FRY: variants seen among roughly 807,000 people sequenced by gnomAD.
FRY encodes protein furry homolog.
A neutral mutation model predicts 348.4 loss-of-function variants in FRY; 128 were observed. The ratio of observed to expected loss-of-function variants is 0.37; its 90% CI spans 0.32 to 0.43. FRY has a LOEUF of 0.43. Among genes scored for constraint, FRY ranks in the 20% least tolerant of loss-of-function variants. The pLI is 1.00. For synonymous variants in FRY, 1,370 were observed against 1,374.7 expected (o/e 1.00, Z 0.08); for missense variants, 2,736 against 3,695.2 (o/e 0.74, Z 6.73).
intron 16 of FRY, 27 bp from the exon 17 acceptor site, chr13:32,161,116 AT>A: frequency 7.3e-7 from 1 of 1,376,528 alleles, no homozygotes; most frequent in South Asian, 1.2e-5. Context: ...TTTTTGACCT[AT>A]TTTAAAATTT....
chr13:32,063,479 C>T (rs1031849029), intron 1 of FRY, among the ~76,000 whole-genome samples: 5 of 152,210 alleles, frequency 3.3e-5, no homozygotes, highest in Admixed American at 2.0e-4. Context: ...CCACACTTTG[C>T]ATTGTGACCC....
intron 58 of FRY, among the ~76,000 whole-genome samples, chr13:32,288,464 T>C (rs1593855655): frequency 6.6e-6 from 1 of 152,198 alleles, no homozygotes; most frequent in Admixed American, 6.5e-5. Context: ...AAGGAAACCA[T>C]TCAGCATAGT....
chr13:32,291,977 G>A, intron 59 of FRY: 1 of 451,728 alleles, frequency 2.2e-6, no homozygotes, highest in Non-Finnish European at 4.4e-6. Flanking sequence ...TTTTTTTGTT[G>A]TTGTTGTTTG....
At chr13:32,226,055 G>C (rs1002747800) in intron 39 of FRY, 81 bp downstream of exon 39, 2 of 1,220,232 alleles carry the variant, frequency 1.6e-6, no homozygotes, top group African/African-American at 3.0e-5. Context: ...TGGAGCCCAA[G>C]TTAACTTCTC....
intron 23 of FRY, among the ~76,000 whole-genome samples, chr13:32,181,125 C>T (rs1308031720): frequency 6.6e-6 from 1 of 151,500 alleles, no homozygotes; most frequent in African/African-American, 2.4e-5. Flanking sequence ...CTCCTGACCT[C>T]GTGATCTGCC....
chr13:32,143,346 C>G (rs1324941757), intron 11 of FRY, among the ~76,000 whole-genome samples: 1 of 152,196 alleles, frequency 6.6e-6, no homozygotes, highest in African/African-American at 2.4e-5. Flanking sequence ...ATTAACAGTA[C>G]ATAATCCACA....
At chr13:32,224,803 T>G in intron 37 of FRY, 130 bp from the exon 38 acceptor site, 1 of 706,498 alleles carries the variant, frequency 1.4e-6, no homozygotes, top group Non-Finnish European at 2.6e-6. Context: ...TAAACTCTAT[T>G]TCCCCCGAAT....
At chr13:32,101,275 A>C (rs1287682287) in intron 2 of FRY, among the ~76,000 whole-genome samples, 2 of 152,176 alleles carry the variant, frequency 1.3e-5, no homozygotes, top group African/African-American at 4.8e-5. Context: ...AGGTTCGTCC[A>C]TGTTGTCAAA....
rs778464820 is a variant in FRY, at chr13:32,185,198, C to T, written c.3319+50C>T. ...TACCATTCATGCTTGGAAGCCCATT[C>T]GTGTTCTTTATTACGGTGCTTTCGT... is the stretch of plus-strand genomic sequence containing the variant. On this transcript the variant is annotated intron_variant, in intron 26 of 60. Transcript: ENST00000542859. The T allele has an allele frequency of 1.2e-5, 19 of 1,533,086 alleles. No homozygotes were observed. The East Asian group carries it at 2.0e-4, about 16-fold the overall frequency. 95.0% of individuals were successfully genotyped at this position (1,533,086 alleles called of 1,614,324 possible).
chr13:32,155,281 C>A (rs1881044034), intron 14 of FRY, among the ~76,000 whole-genome samples: 1 of 152,218 alleles, frequency 6.6e-6, no homozygotes. Flanking sequence ...TCGGTGAAAT[C>A]TCCCCTGTTG....
At chr13:32,132,420 G>A (rs373721810) in intron 8 of FRY, among the ~76,000 whole-genome samples, 1 of 152,016 alleles carries the variant, frequency 6.6e-6, no homozygotes, top group Admixed American at 6.6e-5. Flanking sequence ...ATTAAATTTG[G>A]TGATGACCTT....
At position 32,297,684 on chromosome 13, in the gene FRY, A is replaced by T. The variant is rs1356064140; in HGVS notation, c.*2224A>T. The stretch of plus-strand genomic sequence containing the variant: ...TAAGTGGAGATGGGAAAAATTGTGT[A>T]GGATGCAGCCCCACGCCAGCAGAGC... On this transcript the variant is annotated 3_prime_UTR_variant, in exon 61 of 61. Transcript: ENST00000542859. The T allele has an allele frequency of 1.3e-5, 2 of 152,168 alleles. No homozygotes were observed. The highest frequency in any genetic ancestry group is 2.9e-5 in the Non-Finnish European group (2 of 68,016). 9.4% of individuals were successfully genotyped at this position (152,168 alleles called of 1,614,324 possible).
intron 38 of FRY, 110 bp downstream of exon 38, chr13:32,225,146 A>G (rs532147033): frequency 1.3e-6 from 1 of 741,168 alleles, no homozygotes; most frequent in Admixed American, 1.9e-5. Context: ...TTTCGGGAAT[A>G]TTCTATCTCC....
intron 11 of FRY, among the ~76,000 whole-genome samples, chr13:32,146,205 C>T (rs1593665886): frequency 6.7e-6 from 1 of 150,356 alleles, no homozygotes; most frequent in Non-Finnish European, 1.5e-5. Flanking sequence ...TTACACCTTT[C>T]GAAGTATCTA....
chr13:32,250,832 A>T (rs557524808), intron 49 of FRY, among the ~76,000 whole-genome samples: 1 of 152,310 alleles, frequency 6.6e-6, no homozygotes, highest in South Asian at 2.1e-4. Flanking sequence ...TGAAAACTTC[A>T]TTGGAAGAGA....
At chr13:32,107,202 C>T (rs1877610298) in intron 3 of FRY, among the ~76,000 whole-genome samples, 1 of 152,092 alleles carries the variant, frequency 6.6e-6, no homozygotes, top group Admixed American at 6.5e-5. Context: ...ACTAAAAATA[C>T]AAAAATTAGC....
At chr13:32,274,093 T>C (rs1888359705) in intron 55 of FRY, among the ~76,000 whole-genome samples, 1 of 152,196 alleles carries the variant, frequency 6.6e-6, no homozygotes, top group South Asian at 2.1e-4. Flanking sequence ...CATTGGGAAA[T>C]GGTATTTCAG....
chr13:32,165,036 A>G (rs1881657425), intron 17 of FRY, among the ~76,000 whole-genome samples: 1 of 152,142 alleles, frequency 6.6e-6, no homozygotes, highest in Admixed American at 6.5e-5. Context: ...CGTGCTATAC[A>G]ATGCATTTCA....
At chr13:32,265,089 C>T (rs1316666477) in intron 53 of FRY, among the ~76,000 whole-genome samples, 1 of 152,204 alleles carries the variant, frequency 6.6e-6, no homozygotes, top group Non-Finnish European at 1.5e-5. Context: ...AGACAAGTCC[C>T]TTTCCCACGT....
Sources: gnomAD v4.1 joint callset for allele counts (sites outside exome capture counted in the v4.1 genomes callset) on GRCh38, gnomAD v4.1.1 for gene constraint, MANE v1.5 for transcripts, NCBI Gene and HGNC (gene_info 2026-07-23, HGNC 2026-07-21) for gene names.